The following NALCN variants were observed in gnomAD, a reference collection of about 807,000 sequenced individuals.
The protein encoded by NALCN is sodium leak channel NALCN.
Under a neutral mutation model 225.3 loss-of-function variants are expected in NALCN, and 111 were observed. The observed-to-expected ratio is 0.49, with a 90% CI of 0.42 to 0.58. The LOEUF is 0.58. NALCN is among the 20% of genes least tolerant of loss of function. The pLI is 0.00. For missense variants in NALCN, 1,378 were observed against 2,202.4 expected (o/e 0.63, Z 7.49); for synonymous variants, 764 against 769.0 (o/e 0.99, Z 0.11).
intron 7 of NALCN, among the ~76,000 whole-genome samples, chr13:101,325,969 A>G (rs1427899048): frequency 6.6e-6 from 1 of 152,226 alleles, no homozygotes; most frequent in East Asian, 1.9e-4. Context: ...AACTCTGTTA[A>G]TGCCTCAACT....
intron 3 of NALCN, among the ~76,000 whole-genome samples, chr13:101,380,191 C>A (rs1052980902): frequency 3.3e-5 from 5 of 151,972 alleles, no homozygotes; most frequent in African/African-American, 1.2e-4. Context: ...ATCAAAACAA[C>A]CATTCTCTTG....
rs572483914 is a variant in NALCN at position 101,100,837 on chromosome 13, G to A, written c.3109C>T (p.Gln1037Ter). Residue 1037 changes from glutamine to a stop codon, truncating the protein, a stop_gained, in exon 27 of 44, where the codon CAG becomes TAG. Coordinates refer to ENST00000251127, the MANE Select transcript of NALCN (RefSeq NM_052867.4). LOFTEE classifies it high-confidence loss of function. ...TTGGCCAGTTTTCCAGCAAAAAGCT[G>A]AACTCCAAAGCTTGCAAAAACGAGC... ...LMLVFASFGV[Q>*]LFAGKLAKCN... 1 of 1,611,926 alleles carries A rather than the reference G, an allele frequency of 6.2e-7. No homozygotes were observed. The highest frequency in any genetic ancestry group is 1.1e-5 in the South Asian group (1 of 90,716).
At chr13:101,056,910 G>C (rs1326062626) in intron 43 of NALCN, 6 of 152,172 alleles carry the variant, frequency 3.9e-5, no homozygotes, top group Non-Finnish European at 8.8e-5. Flanking sequence ...CACCATCTAC[G>C]TTGTCTTGAT....
chr13:101,238,391 G>T (rs1253353151), intron 11 of NALCN, among the ~76,000 whole-genome samples: 1 of 151,718 alleles, frequency 6.6e-6, no homozygotes, highest in Non-Finnish European at 1.5e-5. Context: ...AGGCCACATG[G>T]CAAAAGAGAA....
intron 10 of NALCN, among the ~76,000 whole-genome samples, chr13:101,260,090 A>G (rs537010353): frequency 1.1e-4 from 17 of 151,950 alleles, no homozygotes; most frequent in African/African-American, 3.9e-4. Flanking sequence ...GATTATCTTG[A>G]TTTTGTGATC....
At chr13:101,056,687 G>T (rs2058058654) in intron 43 of NALCN, among the ~76,000 whole-genome samples, 2 of 151,910 alleles carry the variant, frequency 1.3e-5, no homozygotes, top group African/African-American at 4.9e-5. Context: ...CTCTGTCCAT[G>T]CCTTTGTTGC....
intron 9 of NALCN, among the ~76,000 whole-genome samples, chr13:101,284,641 G>A (rs2043278318): frequency 6.6e-6 from 1 of 152,150 alleles, no homozygotes; most frequent in African/African-American, 2.4e-5. Context: ...TAACTAGGCA[G>A]CAATTAACCT....
At chr13:101,088,616 G>A (rs546627088) in intron 30 of NALCN, among the ~76,000 whole-genome samples, 1 of 152,216 alleles carries the variant, frequency 6.6e-6, no homozygotes, top group Admixed American at 6.5e-5. Flanking sequence ...TAAAATCTTA[G>A]TACACAGTGT....
chr13:101,313,543 A>C (rs1309813448), intron 7 of NALCN, among the ~76,000 whole-genome samples: 2 of 152,218 alleles, frequency 1.3e-5, no homozygotes, highest in African/African-American at 4.8e-5. Context: ...AAAAGAAGAC[A>C]TTTATGCAGC....
At chr13:101,297,330 C>T (rs938885431) in intron 7 of NALCN, among the ~76,000 whole-genome samples, 3 of 152,170 alleles carry the variant, frequency 2.0e-5, no homozygotes, top group Non-Finnish European at 2.9e-5. Context: ...GAGATGTAAG[C>T]CCGAGACAGT....
chr13:101,377,755 T>C (rs1730756976), intron 4 of NALCN, among the ~76,000 whole-genome samples: 1 of 152,182 alleles, frequency 6.6e-6, no homozygotes, highest in South Asian at 2.1e-4. Flanking sequence ...CAGTTAACAA[T>C]AATTTATTGT....
At position 101,368,010 on chromosome 13, in the gene NALCN, A is replaced by ATT. The variant is rs1421964138; in HGVS notation, c.644+8688_644+8689dup. ...AATTTATTTTATTTTATTTTATTTT[A>ATT]TTATTATTATACTTTAAGTTTTAGG... On this transcript the variant is annotated intron_variant, in intron 6 of 43. Coordinates refer to ENST00000251127, the MANE Select transcript of NALCN (RefSeq NM_052867.4). 9.1e-5 allele frequency among the ~76,000 whole-genome samples: 13 copies of ATT among 142,968 alleles called. No homozygotes were observed. The East Asian group carries it at 1.1e-3, about 12-fold the overall frequency. 93.8% of individuals were successfully genotyped at this position (142,968 alleles called of 152,430 possible). A position where few individuals can be genotyped will look rare whatever the true frequency, so the allele number is the denominator to read the frequency against.
At chr13:101,400,271 TA>T (rs1312221861) in intron 1 of NALCN, among the ~76,000 whole-genome samples, 1 of 152,060 alleles carries the variant, frequency 6.6e-6, no homozygotes, top group African/African-American at 2.4e-5. Context: ...AAATTTAAAA[TA>T]AGCTCTGTTT....
In NALCN at chr13:101,104,958, A is replaced by C; in HGVS notation, c.2580-8T>G. The C allele has an allele frequency of 6.2e-7, 1 of 1,612,096 alleles. No individual in the cohort carries two copies. The highest frequency in any genetic ancestry group is 8.5e-7 in the Non-Finnish European group (1 of 1,178,736). On this transcript the variant is annotated splice_polypyrimidine_tract_variant and splice_region_variant and intron_variant, in intron 22 of 43. Transcript: ENST00000251127. The surrounding 1 kb of genome is among the most constrained non-coding windows in gnomAD (Gnocchi z 4.2). Reference sequence around the variant, plus strand: ...ACAGGGTCTGTTTTAGATCTGTAAGAGAACACATATATAAAATTCTGCAAC... The same window carrying C: ...ACAGGGTCTGTTTTAGATCTGTAAGCGAACACATATATAAAATTCTGCAAC...
chr13:101,137,347 G>C (rs912664691), intron 17 of NALCN, among the ~76,000 whole-genome samples: 1 of 151,796 alleles, frequency 6.6e-6, no homozygotes, highest in Non-Finnish European at 1.5e-5. Flanking sequence ...ATGAAAACAG[G>C]CTGTGTTCGT....
At chr13:101,281,772 T>A (rs1019736494) in intron 10 of NALCN, among the ~76,000 whole-genome samples, 1 of 152,020 alleles carries the variant, frequency 6.6e-6, no homozygotes, top group African/African-American at 2.4e-5. Context: ...CTCATACAAC[T>A]CAATAACAAA....
At chr13:101,270,924 ATCTTTGGTG>A (rs2042755413) in intron 10 of NALCN, among the ~76,000 whole-genome samples, 1 of 152,216 alleles carries the variant, frequency 6.6e-6, no homozygotes, top group African/African-American at 2.4e-5. Flanking sequence ...AATGCAACAA[ATCTTTGGTG>A]ATGGAAATTT....
At chr13:101,114,410 T>C (rs2035597927) in intron 18 of NALCN, among the ~76,000 whole-genome samples, 2 of 151,052 alleles carry the variant, frequency 1.3e-5, no homozygotes, top group South Asian at 2.1e-4. Context: ...TATAACACTC[T>C]ACATAGCATA....
chr13:101,210,825 T>C (rs910536537), intron 13 of NALCN, among the ~76,000 whole-genome samples: 29 of 152,236 alleles, frequency 1.9e-4, no homozygotes, highest in Non-Finnish European at 2.1e-4. Flanking sequence ...ACTTTGCACC[T>C]GTTACTTCCT....
Sources: allele counts gnomAD v4.1 joint callset (sites outside exome capture counted in the v4.1 genomes callset), GRCh38; gene constraint gnomAD v4.1.1; non-coding constraint Gnocchi (gnomAD v3.1); transcripts MANE v1.5; gene names NCBI Gene and HGNC (gene_info 2026-07-23, HGNC 2026-07-21).